BCAS3: variants seen among roughly 807,000 people sequenced by gnomAD.
The protein encoded by BCAS3 is BCAS4/BCAS3 fusion.
A neutral mutation model predicts 116.1 loss-of-function variants in BCAS3; 53 were observed. The ratio of observed to expected loss-of-function variants is 0.46; its 90% CI spans 0.37 to 0.57. The LOEUF (loss-of-function observed/expected upper bound fraction) is 0.57. BCAS3 is among the 20% of genes least tolerant of loss of function. The probability of loss-of-function intolerance (pLI) is 0.00; values close to 1 mark genes in which losing one functional copy is unlikely to be tolerated. For synonymous variants in BCAS3, 391 were observed against 408.2 expected (o/e 0.96, Z 0.51); for missense variants, 917 against 1,165.4 (o/e 0.79, Z 3.10).
At chr17:61,089,692 G>A (rs774269447) in intron 22 of BCAS3, among the ~76,000 whole-genome samples, 7 of 151,338 alleles carry the variant, frequency 4.6e-5, no homozygotes, top group Non-Finnish European at 1.0e-4. Flanking sequence ...CACCACGCCC[G>A]GCTAATTTTT....
At chr17:61,099,130 A>T (rs553742876) in intron 22 of BCAS3, among the ~76,000 whole-genome samples, 37 of 152,114 alleles carry the variant, frequency 2.4e-4, no homozygotes, top group Non-Finnish European at 3.4e-4. Flanking sequence ...TCTCAAAAAA[A>T]ATAAAAGATA....
chr17:61,292,865 A>G (rs1196777790), intron 22 of BCAS3, among the ~76,000 whole-genome samples: 1 of 152,162 alleles, frequency 6.6e-6, no homozygotes, highest in Non-Finnish European at 1.5e-5. Context: ...TCTGCCTAGG[A>G]TGTCTGTTTT....
chr17:60,685,143 A>C (rs2033824809), intron 3 of BCAS3, among the ~76,000 whole-genome samples: 1 of 152,180 alleles, frequency 6.6e-6, no homozygotes, highest in African/African-American at 2.4e-5. Context: ...CATTTTGCAC[A>C]TTAGGCTTAG....
intron 7 of BCAS3, among the ~76,000 whole-genome samples, chr17:60,855,626 T>G (rs2053612999): frequency 6.6e-6 from 1 of 151,792 alleles, no homozygotes; most frequent in South Asian, 2.1e-4. Flanking sequence ...GGCCACTATT[T>G]TTAAATTTTT....
At chr17:60,697,603 A>G (rs2143911278) in intron 4 of BCAS3, among the ~76,000 whole-genome samples, 1 of 150,022 alleles carries the variant, frequency 6.7e-6, no homozygotes, top group African/African-American at 2.5e-5. Context: ...AAAAAAAAAA[A>G]GATTCGGTTT....
At chr17:60,716,671 C>T (rs1000094281) in intron 5 of BCAS3, among the ~76,000 whole-genome samples, 7 of 150,748 alleles carry the variant, frequency 4.6e-5, no homozygotes, top group South Asian at 2.1e-4. Context: ...GTGACCTGTG[C>T]ACCACTGCAC....
intron 6 of BCAS3, among the ~76,000 whole-genome samples, chr17:60,790,900 C>T (rs1364586368): frequency 1.3e-5 from 2 of 151,892 alleles, no homozygotes; most frequent in African/African-American, 2.4e-5. Flanking sequence ...TGCACCACCA[C>T]GCCTGGCTAA....
chr17:60,681,895 A>G (rs547666458), intron 2 of BCAS3, among the ~76,000 whole-genome samples: 2 of 151,804 alleles, frequency 1.3e-5, no homozygotes, highest in Admixed American at 6.6e-5. Flanking sequence ...ATGCCTGGCT[A>G]ATTTTGTATT....
Position 61,171,233 on chromosome 17 carries a change from G to A in BCAS3, c.2425+86669G>A, listed in dbSNP as rs759873889. Reference sequence around the variant, plus strand: ...ATCCTAAATGTGTAGACTTGGATAAGTTACAAATATATGCTATACATTCTA... The same window carrying A: ...ATCCTAAATGTGTAGACTTGGATAAATTACAAATATATGCTATACATTCTA... On this transcript the variant is annotated intron_variant, in intron 22 of 23. Transcript: ENST00000407086. This position sits in a 1 kb window ranked among gnomAD's most constrained non-coding sequence, Gnocchi z 4.1. Among the ~76,000 whole-genome samples, 1 of 152,108 alleles carries A rather than the reference G, an allele frequency of 6.6e-6. No individual in the cohort carries two copies. The highest frequency in any genetic ancestry group is 1.5e-5 in the Non-Finnish European group (1 of 68,028).
rs114046065 is a variant in BCAS3, at chr17:61,365,922, C to T, written c.2426-2405C>T. On this transcript the variant is annotated intron_variant, in intron 22 of 23. Coordinates refer to ENST00000407086, the MANE Select transcript of BCAS3 (RefSeq NM_017679.5). The surrounding 1 kb of genome is among the most constrained non-coding windows in gnomAD (Gnocchi z 4.6). Reference sequence around the variant, plus strand: ...CTTTGGGAGGCCAAGACAGGTGGATCGTTTGAGATCAGAAGTTCAAGACCA... The same window carrying T: ...CTTTGGGAGGCCAAGACAGGTGGATTGTTTGAGATCAGAAGTTCAAGACCA... 4.4e-3 allele frequency among the ~76,000 whole-genome samples: 671 copies of T among 152,090 alleles called. 10 individuals carry two copies. The highest frequency in any genetic ancestry group is 0.015 in the African/African-American group (639 of 41,504).
Position 61,377,783 on chromosome 17 carries a change from T to A in BCAS3, c.2593+9289T>A, listed in dbSNP as rs2059407014. The A allele has an allele frequency of 6.6e-6, 1 of 152,272 alleles. No homozygotes were observed. Among genetic ancestry groups the A allele is most frequent in the African/African-American group, 2.4e-5 (1 of 41,466 alleles). 9.4% of individuals were successfully genotyped at this position (152,272 alleles called of 1,614,324 possible). A position where few individuals can be genotyped will look rare whatever the true frequency, so the allele number is the denominator to read the frequency against. On this transcript the variant is annotated intron_variant, in intron 23 of 23. Coordinates refer to ENST00000407086, the MANE Select transcript of BCAS3 (RefSeq NM_017679.5). This position sits in a 1 kb window ranked among gnomAD's most constrained non-coding sequence, Gnocchi z 4.6. ...CTCTGCCTGCCACATAAATGTCCTCTAATTGTCAGAGCACTGCCAGGTAGA... is the reference window on the plus strand; with the variant it reads ...CTCTGCCTGCCACATAAATGTCCTCAAATTGTCAGAGCACTGCCAGGTAGA...
At chr17:60,895,276 A>G (rs942034457) in intron 10 of BCAS3, among the ~76,000 whole-genome samples, 2 of 151,942 alleles carry the variant, frequency 1.3e-5, no homozygotes, top group African/African-American at 2.4e-5. Flanking sequence ...TCCTGATTCA[A>G]TCTTGTTACG....
chr17:61,109,969 T>A (rs1027702566), intron 22 of BCAS3, among the ~76,000 whole-genome samples: 3 of 152,210 alleles, frequency 2.0e-5, no homozygotes, highest in African/African-American at 7.2e-5. Context: ...TTTATCTTTG[T>A]TTTTGTTGCA....
intron 8 of BCAS3, among the ~76,000 whole-genome samples, chr17:60,872,452 T>A (rs938795583): frequency 1.3e-5 from 2 of 149,648 alleles, no homozygotes; most frequent in African/African-American, 4.9e-5. Context: ...TATATACACA[T>A]ACACACACAC....
At chr17:61,353,184 C>G (rs2057952931) in intron 22 of BCAS3, among the ~76,000 whole-genome samples, 1 of 152,206 alleles carries the variant, frequency 6.6e-6, no homozygotes, top group Non-Finnish European at 1.5e-5. Flanking sequence ...GTCCCCTCCC[C>G]TCCCTGGGCC....
intron 7 of BCAS3, among the ~76,000 whole-genome samples, chr17:60,825,687 C>T (rs1306393306): frequency 2.0e-5 from 3 of 151,378 alleles, no homozygotes; most frequent in African/African-American, 7.3e-5. Flanking sequence ...AAGGTTGCAC[C>T]TTGAACTCCA....
At chr17:61,050,372 T>A (rs972914392) in intron 19 of BCAS3, among the ~76,000 whole-genome samples, 2 of 152,038 alleles carry the variant, frequency 1.3e-5, no homozygotes, top group African/African-American at 4.8e-5. Flanking sequence ...AATGGCATAT[T>A]GTTTTTAATA....
chr17:60,828,759 T>C (rs2050652081), intron 7 of BCAS3, among the ~76,000 whole-genome samples: 1 of 152,190 alleles, frequency 6.6e-6, no homozygotes, highest in South Asian at 2.1e-4. Flanking sequence ...GAGAAGGGGC[T>C]TCCTTATGTT....
In BCAS3 at chr17:61,203,320, G is replaced by A. The variant is rs2080946700; in HGVS notation, c.2425+118756G>A. Among the ~76,000 whole-genome samples, 1 of 152,052 alleles carries A rather than the reference G, an allele frequency of 6.6e-6. No homozygotes were observed. Among genetic ancestry groups the A allele is most frequent in the African/African-American group, 2.4e-5 (1 of 41,406 alleles). Reference sequence around the variant, plus strand: ...TTACAGGTGCCCGACACCACACCTGGCTAATTTTTGTATTATTAGTAGAAA... The same window carrying A: ...TTACAGGTGCCCGACACCACACCTGACTAATTTTTGTATTATTAGTAGAAA... On this transcript the variant is annotated intron_variant, in intron 22 of 23. Coordinates refer to ENST00000407086, the MANE Select transcript of BCAS3 (RefSeq NM_017679.5). The surrounding 1 kb of genome is among the most constrained non-coding windows in gnomAD (Gnocchi z 5.7).
Sources: allele counts gnomAD v4.1 joint callset (sites outside exome capture counted in the v4.1 genomes callset), GRCh38; gene constraint gnomAD v4.1.1; non-coding constraint Gnocchi (gnomAD v3.1); transcripts MANE v1.5; gene names NCBI Gene and HGNC (gene_info 2026-07-23, HGNC 2026-07-21).